Variants in RIMS2 observed in about 807,000 individuals in gnomAD.
RIMS2 encodes regulating synaptic membrane exocytosis protein 2.
A neutral mutation model predicts 174.4 loss-of-function variants in RIMS2; 59 were observed. That is an observed-to-expected ratio of 0.34 (90% CI 0.27 to 0.42). RIMS2 has a LOEUF of 0.42. RIMS2 is among the 10% of genes least tolerant of loss of function. RIMS2 has a pLI of 1.00. For missense variants in RIMS2, 1,620 were observed against 1,666.3 expected, an observed-to-expected ratio of 0.97 and a Z score of 0.48; for synonymous variants, 606 against 572.5, an observed-to-expected ratio of 1.06 and a Z score of -0.84.
At chr8:103,597,309 C>T (rs2094516476) in intron 1 of RIMS2, among the ~76,000 whole-genome samples, 1 of 152,168 alleles carries the variant, frequency 6.6e-6, no homozygotes, top group Non-Finnish European at 1.5e-5. Flanking sequence ...GGCCTTTCTG[C>T]TCTCATGCAT....
chr8:103,932,562 A>G (rs2154531979), intron 12 of RIMS2, among the ~76,000 whole-genome samples: 1 of 152,304 alleles, frequency 6.6e-6, no homozygotes, highest in East Asian at 1.9e-4. Flanking sequence ...ATACATGTGG[A>G]ACTATAAGGG....
chr8:103,764,011 G>C (rs1454242210), intron 2 of RIMS2, among the ~76,000 whole-genome samples: 1 of 152,170 alleles, frequency 6.6e-6, no homozygotes, highest in Non-Finnish European at 1.5e-5. Flanking sequence ...AAAAAATATT[G>C]CTGGGCACTG....
intron 19 of RIMS2, 103 bp downstream of exon 24, chr8:104,093,746 T>TA: frequency 1.1e-6 from 1 of 899,960 alleles, no homozygotes; most frequent in Non-Finnish European, 1.6e-6. Context: ...TTAATATATA[T>TA]TTTAAAGCCA....
intron 3 of RIMS2, among the ~76,000 whole-genome samples, chr8:103,822,563 A>G (rs1034809403): frequency 6.6e-6 from 1 of 151,844 alleles, no homozygotes; most frequent in East Asian, 1.9e-4. Context: ...ACCATATAGC[A>G]CAAACCTTAT....
At chr8:103,931,815 C>T (rs185285487) in intron 12 of RIMS2, among the ~76,000 whole-genome samples, 1 of 152,094 alleles carries the variant, frequency 6.6e-6, no homozygotes. Context: ...CTTCCTCTTA[C>T]CAAGATATTA....
chr8:103,611,117 G>T (rs1450169095), intron 1 of RIMS2, among the ~76,000 whole-genome samples: 2 of 152,084 alleles, frequency 1.3e-5, no homozygotes, highest in African/African-American at 4.8e-5. Context: ...GCATAGAGGT[G>T]TTTGTAGTAG....
chr8:103,719,285 C>T (rs910586373), intron 2 of RIMS2, among the ~76,000 whole-genome samples: 1 of 152,196 alleles, frequency 6.6e-6, no homozygotes. Flanking sequence ...GAAAAATATT[C>T]CCTTCCCAAA....
chr8:104,032,326 T>G (rs1247364263), intron 19 of RIMS2, among the ~76,000 whole-genome samples: 1 of 152,108 alleles, frequency 6.6e-6, no homozygotes, highest in Non-Finnish European at 1.5e-5. Flanking sequence ...CTGTTAATTC[T>G]ACCAGTGAAT....
intron 19 of RIMS2, among the ~76,000 whole-genome samples, chr8:104,107,694 T>A (rs1599029551): frequency 6.6e-6 from 1 of 152,244 alleles, no homozygotes; most frequent in Non-Finnish European, 1.5e-5. Context: ...ACGCATGTAA[T>A]CCTAGCTCTT....
At chr8:103,674,834 T>G (rs1390569204) in intron 1 of RIMS2, among the ~76,000 whole-genome samples, 2 of 151,842 alleles carry the variant, frequency 1.3e-5, no homozygotes, top group African/African-American at 4.8e-5. Context: ...TTAATTGATT[T>G]AAATATGTTT....
chr8:103,738,934 C>T (rs1421837148), intron 2 of RIMS2, among the ~76,000 whole-genome samples: 1 of 152,056 alleles, frequency 6.6e-6, no homozygotes, highest in African/African-American at 2.4e-5. Context: ...GTTGGTGGGA[C>T]TGTAAACTAG....
chr8:103,679,509 AACAC>A (rs966178641), intron 1 of RIMS2, among the ~76,000 whole-genome samples: 59 of 152,162 alleles, frequency 3.9e-4, no homozygotes, highest in African/African-American at 1.4e-3. Context: ...AGAATATGAA[AACAC>A]ACTTATAATA....
chr8:103,614,988 T>C (rs1194065741), intron 1 of RIMS2, among the ~76,000 whole-genome samples: 2 of 152,236 alleles, frequency 1.3e-5, no homozygotes, highest in Non-Finnish European at 2.9e-5. Context: ...TCATTACATT[T>C]CTCTGTTTCA....
At chr8:103,845,584 G>A (rs1169898004) in intron 3 of RIMS2, among the ~76,000 whole-genome samples, 1 of 151,956 alleles carries the variant, frequency 6.6e-6, no homozygotes, top group Non-Finnish European at 1.5e-5. Context: ...TTCACAACTG[G>A]CAGAAACTAG....
intron 19 of RIMS2, among the ~76,000 whole-genome samples, chr8:104,146,093 G>T (rs184659577): frequency 1.3e-5 from 2 of 150,932 alleles, no homozygotes; most frequent in Non-Finnish European, 2.9e-5. Flanking sequence ...GGCCAGGCTC[G>T]GTGGCTCAAG....
intron 19 of RIMS2, among the ~76,000 whole-genome samples, chr8:104,132,824 TTATG>T (rs1485028281): frequency 4.6e-5 from 7 of 152,194 alleles, no homozygotes; most frequent in Admixed American, 6.6e-5. Context: ...GTAGTTTGTA[TTATG>T]TAAGTCTCTG....
chr8:103,762,093 G>A (rs1681141955), intron 2 of RIMS2, among the ~76,000 whole-genome samples: 1 of 149,888 alleles, frequency 6.7e-6, no homozygotes, highest in African/African-American at 2.5e-5. Flanking sequence ...GTTTAAAAAA[G>A]ATATTTGTAT....
chr8:103,560,336 C>A (rs2091385359), intron 1 of RIMS2, among the ~76,000 whole-genome samples: 1 of 152,008 alleles, frequency 6.6e-6, no homozygotes. Flanking sequence ...AAGATTGCGC[C>A]ATTGCACTCC....
intron 3 of RIMS2, chr8:103,768,760 C>A: frequency 1.3e-6 from 1 of 749,564 alleles, no homozygotes; most frequent in Non-Finnish European, 2.5e-6. Context: ...TGTAAGAAAG[C>A]CTTTAAACAA....
Sources: gnomAD v4.1 joint callset for allele counts (sites outside exome capture counted in the v4.1 genomes callset) on GRCh38, gnomAD v4.1.1 for gene constraint, MANE v1.5 for transcripts, NCBI Gene and HGNC (gene_info 2026-07-23, HGNC 2026-07-21) for gene names.